The following INTU variants were observed in gnomAD, a reference collection of about 807,000 sequenced individuals.
INTU encodes the protein inturned planar cell polarity protein.
A neutral mutation model predicts 100.5 loss-of-function variants in INTU; 68 were observed. The observed-to-expected ratio is 0.68, with a 90% CI of 0.56 to 0.83. The LOEUF (loss-of-function observed/expected upper bound fraction) is 0.83. INTU is among the 40% of genes least tolerant of loss of function. INTU has a pLI of 0.00. For synonymous variants in INTU, 357 were observed against 395.7 expected (o/e 0.90, Z 1.16); for missense variants, 1,071 against 1,114.7 (o/e 0.96, Z 0.56).
chr4:127,676,585 C>CA (rs759247806), intron 6 of INTU, among the ~76,000 whole-genome samples: 2,987 of 76,592 alleles, frequency 0.039, 127 homozygotes, highest in African/African-American at 0.14. Context: ...GACAATGTCT[C>CA]AAAAAAAAAA....
At chr4:127,673,514 A>T (rs1009045092) in intron 5 of INTU, among the ~76,000 whole-genome samples, 4 of 151,616 alleles carry the variant, frequency 2.6e-5, no homozygotes, top group African/African-American at 9.7e-5. Context: ...AAAAAAAATT[A>T]TATTTAGTCA....
chr4:127,650,413 C>A (rs1298105414), intron 2 of INTU, among the ~76,000 whole-genome samples: 1 of 143,848 alleles, frequency 7.0e-6, no homozygotes, highest in Non-Finnish European at 1.5e-5. Flanking sequence ...GTGATGTTCC[C>A]CTTCCTGTGT....
intron 14 of INTU, among the ~76,000 whole-genome samples, chr4:127,712,957 G>T (rs892920013): frequency 6.6e-6 from 1 of 152,228 alleles, no homozygotes; most frequent in Non-Finnish European, 1.5e-5. Flanking sequence ...GTTTCATCCT[G>T]AAACCATCCC....
intron 2 of INTU, among the ~76,000 whole-genome samples, chr4:127,655,155 GC>G (rs1728124053): frequency 6.6e-6 from 1 of 151,812 alleles, no homozygotes; most frequent in African/African-American, 2.4e-5. Flanking sequence ...CAACTTCTTT[GC>G]CTTTGGTTTG....
chr4:127,679,153 G>A (rs986305639), intron 6 of INTU, among the ~76,000 whole-genome samples: 3 of 151,852 alleles, frequency 2.0e-5, no homozygotes, highest in Admixed American at 1.3e-4. Flanking sequence ...CAATAATAAT[G>A]GGAGACTTTA....
chr4:127,672,162 GT>G (rs1401166856), intron 5 of INTU, among the ~76,000 whole-genome samples: 2 of 152,110 alleles, frequency 1.3e-5, no homozygotes, highest in Non-Finnish European at 2.9e-5. Context: ...AAATTTTAAA[GT>G]GTACAAGTAA....
intron 5 of INTU, among the ~76,000 whole-genome samples, chr4:127,671,259 A>G (rs1442331186): frequency 6.6e-6 from 1 of 152,072 alleles, no homozygotes; most frequent in Non-Finnish European, 1.5e-5. Flanking sequence ...AACTCAGACA[A>G]CTCAACAAGA....
intron 9 of INTU, among the ~76,000 whole-genome samples, chr4:127,703,156 C>G (rs1001551362): frequency 2.0e-5 from 3 of 152,158 alleles, no homozygotes; most frequent in Non-Finnish European, 4.4e-5. Flanking sequence ...TGCTATTGTA[C>G]AGGCAGTTCA....
At chr4:127,650,809 A>C (rs919069012) in intron 2 of INTU, among the ~76,000 whole-genome samples, 4 of 151,776 alleles carry the variant, frequency 2.6e-5, no homozygotes, top group African/African-American at 4.8e-5. Context: ...GACTTCCACA[A>C]TGGTTGAACT....
chr4:127,642,002 T>C (rs1219296806), intron 1 of INTU, among the ~76,000 whole-genome samples: 1 of 152,030 alleles, frequency 6.6e-6, no homozygotes, highest in Non-Finnish European at 1.5e-5. Flanking sequence ...ACTTTATTCA[T>C]TGTTTAAATT....
At position 127,632,999 on chromosome 4, in the gene INTU, TGAATTACTC is replaced by T; in HGVS notation, c.-35_-27del. 1 of 1,588,380 alleles carries T rather than the reference TGAATTACTC, an allele frequency of 6.3e-7. No individual in the cohort carries two copies. The highest frequency in any genetic ancestry group is 2.3e-5 in the East Asian group (1 of 44,254). ...CTTAGCAAGCTATAGCTGCGAGATT[TGAATTACTC>T]CACTCGTAGCTATTGCATTCCTGAC... is the stretch of plus-strand genomic sequence containing the variant. On this transcript the variant is annotated 5_prime_UTR_variant, in exon 1 of 16. An upstream open reading frame in the 5' UTR loses its in-frame stop. Transcript: ENST00000335251.
At chr4:127,670,353 G>A (rs1258344875) in intron 5 of INTU, among the ~76,000 whole-genome samples, 2 of 151,608 alleles carry the variant, frequency 1.3e-5, no homozygotes, top group Admixed American at 1.3e-4. Context: ...TTTAAAAGAG[G>A]TAGAATCTAC....
At chr4:127,691,497 A>T (rs1379585664) in intron 8 of INTU, among the ~76,000 whole-genome samples, 2 of 151,906 alleles carry the variant, frequency 1.3e-5, no homozygotes, top group South Asian at 4.2e-4. Context: ...TTTAATTTGC[A>T]TTTCCCTGAT....
At chr4:127,698,746 A>G (rs1342953209) in intron 8 of INTU, among the ~76,000 whole-genome samples, 3 of 152,194 alleles carry the variant, frequency 2.0e-5, no homozygotes, top group Non-Finnish European at 4.4e-5. Flanking sequence ...TTTAAGGAAT[A>G]TAAACAAACA....
intron 1 of INTU, among the ~76,000 whole-genome samples, chr4:127,634,625 TA>T (rs143058522): frequency 0.014 from 2,180 of 152,326 alleles, 55 homozygotes; most frequent in African/African-American, 0.05. Context: ...TTTTAGCTTT[TA>T]AAAAATGATC....
intron 6 of INTU, among the ~76,000 whole-genome samples, chr4:127,679,696 A>G (rs1413236778): frequency 6.6e-6 from 1 of 152,054 alleles, no homozygotes; most frequent in Non-Finnish European, 1.5e-5. Flanking sequence ...TAAAAGAACT[A>G]GAAAAGCAAG....
At chr4:127,658,388 T>C (rs1484932323) in intron 3 of INTU, among the ~76,000 whole-genome samples, 1 of 152,164 alleles carries the variant, frequency 6.6e-6, no homozygotes, top group African/African-American at 2.4e-5. Flanking sequence ...GCCATGGTGC[T>C]AGAGTAGGTT....
At chr4:127,676,858 TGACA>T (rs1334686475) in intron 6 of INTU, among the ~76,000 whole-genome samples, 2 of 151,778 alleles carry the variant, frequency 1.3e-5, no homozygotes, top group African/African-American at 4.8e-5. Flanking sequence ...AAGAAAGGGG[TGACA>T]GACAGCACCT....
chr4:127,725,944 G>A lies in INTU; in HGVS notation c.*9508G>A, dbSNP rs1731410758. On this transcript the variant is annotated 3_prime_UTR_variant, in exon 16 of 16. Transcript: ENST00000335251. ...TACTTTATTAAATAAAGGGGGACAG[G>A]ATGACAGTGCAGATATCCTAGAAAT... 6.6e-6 allele frequency: 1 copy of A among 152,172 alleles called. No individual in the cohort carries two copies. Among genetic ancestry groups the A allele is most frequent in the African/African-American group, 2.4e-5 (1 of 41,438 alleles). The allele number at this position is 152,172 out of a possible 1,614,324, so 9.4% of individuals were successfully genotyped here.
Sources: allele counts gnomAD v4.1 joint callset (sites outside exome capture counted in the v4.1 genomes callset), GRCh38; gene constraint gnomAD v4.1.1; transcripts MANE v1.5; gene names NCBI Gene and HGNC (gene_info 2026-07-23, HGNC 2026-07-21).